CARD8: variants seen among roughly 807,000 people sequenced by gnomAD.
CARD8 encodes the protein caspase recruitment domain family member 8, also known as caspase recruitment domain-containing protein 8.
A neutral mutation model predicts 53.2 loss-of-function variants in CARD8; 38 were observed. The ratio of observed to expected loss-of-function variants is 0.71; its 90% CI spans 0.55 to 0.94. The LOEUF (loss-of-function observed/expected upper bound fraction) is 0.94, where lower values mean the gene tolerates loss of function less well. Ranked by LOEUF, CARD8 falls within the 40% of genes least tolerant of loss-of-function variation. The pLI is 0.00. For synonymous variants in CARD8, 245 were observed against 244.9 expected, an observed-to-expected ratio of 1.00 and a Z score of 0.00; for missense variants, 561 against 655.5, an observed-to-expected ratio of 0.86 and a Z score of 1.57.
intron 4 of CARD8, among the ~76,000 whole-genome samples, chr19:48,239,097 A>G (rs971372217): frequency 1.3e-5 from 2 of 152,198 alleles, no homozygotes; most frequent in East Asian, 1.9e-4. Flanking sequence ...CCTAAACAGG[A>G]GGGAATGTTA....
intron 1 of CARD8, among the ~76,000 whole-genome samples, chr19:48,250,662 G>A (rs1168582469): frequency 1.3e-5 from 2 of 152,196 alleles, no homozygotes; most frequent in African/African-American, 2.4e-5. Context: ...CCCATGTTGT[G>A]GGGAGTGACT....
chr19:48,213,149 G>C (rs3786739), intron 13 of CARD8: 47,620 of 152,078 alleles, frequency 0.31, 7,807 homozygotes, highest in East Asian at 0.52. Flanking sequence ...CCTGAGCCAT[G>C]ACACTCTTGA....
At chr19:48,221,000 A>G (rs879901298) in intron 11 of CARD8, among the ~76,000 whole-genome samples, 5,204 of 95,738 alleles carry the variant, frequency 0.054, 134 homozygotes, top group African/African-American at 0.11. Flanking sequence ...GAAGGAAAGA[A>G]AGAAAGAAAA....
chr19:48,251,614 T>C (rs1214624486), intron 1 of CARD8, among the ~76,000 whole-genome samples: 6 of 152,244 alleles, frequency 3.9e-5, no homozygotes, highest in Admixed American at 3.3e-4. Context: ...GCTTGGATTA[T>C]ATTTCTGTTA....
At chr19:48,219,810 A>G (rs1251673009) in intron 11 of CARD8, among the ~76,000 whole-genome samples, 1 of 152,036 alleles carries the variant, frequency 6.6e-6, no homozygotes, top group Non-Finnish European at 1.5e-5. Flanking sequence ...ATCTCTACTA[A>G]AAATACAACA....
rs78678510 is a variant in CARD8, at chr19:48,215,673, A to T, written c.1304-289T>A. Among the ~76,000 whole-genome samples, 40 of 152,338 alleles carry T rather than the reference A, an allele frequency of 2.6e-4. No homozygotes were observed. In the East Asian group the frequency reaches 7.1e-3, roughly 27 times the overall value. ...AAAAACATATCATACAGTGCTACAT[A>T]AATTACAGTCAAAGTGTTTTAGACA... On this transcript the variant is annotated intron_variant, in intron 12 of 13. Transcript: ENST00000651546.
At chr19:48,240,768 CAAAA>C (rs34345721) in intron 4 of CARD8, among the ~76,000 whole-genome samples, 190 bp downstream of exon 4, 1 of 136,072 alleles carries the variant, frequency 7.3e-6, no homozygotes, top group Non-Finnish European at 1.6e-5. Flanking sequence ...GACTCTGTGT[CAAAA>C]AAAAAAAAAA....
chr19:48,219,516 G>C (rs1360483133), intron 11 of CARD8, among the ~76,000 whole-genome samples: 1 of 152,118 alleles, frequency 6.6e-6, no homozygotes, highest in Non-Finnish European at 1.5e-5. Flanking sequence ...GACAGAATTA[G>C]GAAAAGCTTA....
intron 6 of CARD8, chr19:48,233,836 C>T (rs927727894): frequency 6.3e-6 from 1 of 159,108 alleles, no homozygotes; most frequent in Non-Finnish European, 1.4e-5. Flanking sequence ...TACCAATTTC[C>T]AGTCATTTTT....
At position 48,218,821 on chromosome 19, in the gene CARD8, G is replaced by T. The variant is rs781520466; in HGVS notation, c.1303+50C>A. ...TCTTCTTTGAAATCCAAGGATAGAGGTACATGATGGATCCCTGTCTAAAAA... is the reference window on the plus strand; with the variant it reads ...TCTTCTTTGAAATCCAAGGATAGAGTTACATGATGGATCCCTGTCTAAAAA... On this transcript the variant is annotated intron_variant, in intron 12 of 13. Transcript: ENST00000651546. The T allele has an allele frequency of 3.3e-5, 53 of 1,585,052 alleles. No individual in the cohort carries two copies. The African/African-American group carries it at 5.9e-4, about 18-fold the overall frequency.
intron 7 of CARD8, 199 bp downstream of exon 7, chr19:48,232,254 G>A: frequency 3.2e-6 from 2 of 617,814 alleles, no homozygotes; most frequent in South Asian, 3.9e-5. Flanking sequence ...ACCACCCACT[G>A]ACTCCCCTGA....
intron 10 of CARD8, among the ~76,000 whole-genome samples, chr19:48,227,799 TCA>T (rs530706696): frequency 1.3e-5 from 1 of 77,084 alleles, no homozygotes; most frequent in African/African-American, 5.6e-5. Context: ...CTAGACTCCA[TCA>T]CAAAAAAAAA....
intron 13 of CARD8, 87 bp downstream of exon 13, chr19:48,215,253 A>G: frequency 1.1e-6 from 1 of 933,304 alleles, no homozygotes; most frequent in Non-Finnish European, 1.7e-6. Context: ...TTCTGGTGCC[A>G]TGTCACTTGG....
intron 1 of CARD8, among the ~76,000 whole-genome samples, chr19:48,253,766 T>C (rs1015796256): frequency 1.3e-5 from 2 of 152,212 alleles, no homozygotes; most frequent in Non-Finnish European, 2.9e-5. Flanking sequence ...ATTCACACTT[T>C]CAATATGTAT....
intron 12 of CARD8, among the ~76,000 whole-genome samples, chr19:48,217,925 G>C (rs2039664493): frequency 6.6e-6 from 1 of 152,156 alleles, no homozygotes; most frequent in Non-Finnish European, 1.5e-5. Flanking sequence ...CAGGGAATAT[G>C]ACACCCCGAA....
chr19:48,211,842 T>C lies in CARD8; in HGVS notation c.1482A>G (p.Thr494=). ...GCAAGGCCTCATTCTTGCTCTGCCG[T>C]GTCTTTTCCTGCTCCACCAGCTCCT... ...NEKELVEQEK[T]RQSKNEALLS... The change falls in exon 14 of 14, where the codon ACA becomes ACG. Residue 494 remains threonine (T), a synonymous_variant. Coordinates refer to ENST00000651546, the MANE Select transcript of CARD8 (RefSeq NM_001184900.3). 1 of 1,614,140 alleles carries C rather than the reference T, an allele frequency of 6.2e-7. No individual in the cohort carries two copies. Among genetic ancestry groups the C allele is most frequent in the South Asian group, 1.1e-5 (1 of 91,088 alleles).
intron 13 of CARD8, 72 bp downstream of exon 13, chr19:48,215,268 C>A: frequency 9.1e-7 from 1 of 1,101,014 alleles, no homozygotes; most frequent in Non-Finnish European, 1.4e-6. Context: ...ACTTGGATAC[C>A]TTCCACTGTC....
rs1378435118 is a variant in CARD8, at chr19:48,210,189, A to C, written c.*1521T>G. The C allele has an allele frequency of 6.6e-6, 1 of 152,190 alleles. No individual in the cohort carries two copies. The highest frequency in any genetic ancestry group is 2.4e-5 in the African/African-American group (1 of 41,448). 9.4% of individuals were successfully genotyped at this position (152,190 alleles called of 1,614,324 possible). On this transcript the variant is annotated 3_prime_UTR_variant, in exon 14 of 14. Transcript: ENST00000651546. ...GCAGATTTCTCATCAGGAAATACGG[A>C]AGCTAAAAGGAAACTGCTGAACAGA... is the stretch of plus-strand genomic sequence containing the variant.
chr19:48,243,441 A>G (rs2045566661), intron 3 of CARD8, among the ~76,000 whole-genome samples: 1 of 152,240 alleles, frequency 6.6e-6, no homozygotes, highest in Non-Finnish European at 1.5e-5. Context: ...GTTCCAACTA[A>G]ACAAATATTT....
Sources: allele counts gnomAD v4.1 joint callset (sites outside exome capture counted in the v4.1 genomes callset), GRCh38; gene constraint gnomAD v4.1.1; transcripts MANE v1.5; gene names NCBI Gene and HGNC (gene_info 2026-07-23, HGNC 2026-07-21).